The following MYH4 variants were observed in gnomAD, a reference collection of about 807,000 sequenced individuals.
MYH4 encodes the protein myosin-4.
A neutral mutation model predicts 229.9 loss-of-function variants in MYH4; 200 were observed. That is an observed-to-expected ratio of 0.87 (90% CI 0.78 to 0.98). MYH4 has a LOEUF of 0.98. Ranked by LOEUF, MYH4 falls within the 50% of genes least tolerant of loss-of-function variation. MYH4 has a pLI of 0.00. For synonymous variants in MYH4, 761 were observed against 834.6 expected (o/e 0.91, Z 1.52); for missense variants, 2,148 against 2,332.6 (o/e 0.92, Z 1.63).
Position 10,457,451 on chromosome 17 carries a change from G to A in MYH4, c.1866C>T (p.Phe622=). The change falls in exon 16 of 40, where the codon TTC becomes TTT. Residue 622 remains phenylalanine (F), a synonymous_variant. Coordinates refer to ENST00000255381, the MANE Select transcript of MYH4 (RefSeq NM_017533.2). Reference sequence around the variant, plus strand: ...CAGCAGTTTGTGCCCCAGAGAAGAGGAAAGCCAGAGTCTTCATTGCAGACT... The same window carrying A: ...CAGCAGTTTGTGCCCCAGAGAAGAGAAAAGCCAGAGTCTTCATTGCAGACT... The part of the protein sequence containing the change: ...YQKSAMKTLA[F]LFSGAQTAEA... 6 of 1,611,304 alleles carry A rather than the reference G, an allele frequency of 3.7e-6. No homozygotes were observed. Among genetic ancestry groups the A allele is most frequent in the Non-Finnish European group, 5.1e-6 (6 of 1,178,190 alleles).
At chr17:10,456,626 C>T (rs1004249524) in intron 16 of MYH4, 71 bp from the exon 17 acceptor site, 1 of 1,225,536 alleles carries the variant, frequency 8.2e-7, no homozygotes, top group Non-Finnish European at 1.2e-6. Context: ...AACATCAGGA[C>T]TGCCAAAATT....
At chr17:10,444,290 T>C (rs1390328807) in intron 39 of MYH4, among the ~76,000 whole-genome samples, 4 of 152,168 alleles carry the variant, frequency 2.6e-5, no homozygotes, top group Admixed American at 1.3e-4. Context: ...GAATTCATAC[T>C]CTCATTTGCA....
chr17:10,455,988 T>G, intron 17 of MYH4, 87 bp from the exon 18 acceptor site: 1 of 1,519,196 alleles, frequency 6.6e-7, no homozygotes. Context: ...CATTTCACAT[T>G]TTAATGAGCT....
At position 10,460,250 on chromosome 17, in the gene MYH4, C is replaced by G; in HGVS notation, c.1219G>C (p.Val407Leu). ...DLLKSLCYPRVKVGNEFVTKG... is the reference protein window; with the variant it reads ...DLLKSLCYPRLKVGNEFVTKG... ...GTTACGAACTCATTGCCGACCTTGA[C>G]TCTGGGATAGCAGAGAGATTTGAGC... The change falls in exon 13 of 40, where the codon GTC becomes CTC. Residue 407 changes from valine to leucine, a missense_variant. By Grantham distance (32) the Val-to-Leu change is conservative (BLOSUM62 1). Transcript: ENST00000255381. 1.2e-6 allele frequency: 2 copies of G among 1,614,100 alleles called. No homozygotes were observed. The highest frequency in any genetic ancestry group is 1.7e-6 in the Non-Finnish European group (2 of 1,179,962).
Position 10,461,029 on chromosome 17 carries a change from G to A in MYH4, c.1034C>T (p.Thr345Ile). The A allele has an allele frequency of 1.2e-6, 2 of 1,614,046 alleles. No homozygotes were observed. The highest frequency in any genetic ancestry group is 1.7e-6 in the Non-Finnish European group (2 of 1,179,982). The change falls in exon 12 of 40, where the codon ACT becomes ATT. Residue 345 changes from threonine (T) to isoleucine (I), a missense_variant. Physicochemically the swap from Thr to Ile is moderately conservative, Grantham distance 89. Coordinates refer to ENST00000255381, the MANE Select transcript of MYH4 (RefSeq NM_017533.2). ...GTAAATGGCCACCTTTTCATCAGCA[G>A]TGAAACCCAGGATGTCCACAGCACT... is the stretch of plus-strand genomic sequence containing the variant. ...TDSAVDILGFTADEKVAIYKL... is the reference protein window; with the variant it reads ...TDSAVDILGFIADEKVAIYKL...
At position 10,460,044 on chromosome 17, in the gene MYH4, T is replaced by C; in HGVS notation, c.1324A>G (p.Met442Val). 1 of 1,614,138 alleles carries C rather than the reference T, an allele frequency of 6.2e-7. No individual in the cohort carries two copies. The highest frequency in any genetic ancestry group is 1.7e-4 in the Middle Eastern group (1 of 6,060). ...AGCTGCTGGTTGATGCGGGTGACCA[T>C]CCACAGGAACATCTTCTCGTAGATG... Reference protein sequence around the residue: ...KAIYEKMFLWMVTRINQQLDT... With the variant: ...KAIYEKMFLWVVTRINQQLDT... The change falls in exon 14 of 40, where the codon ATG becomes GTG. Residue 442 changes from methionine to valine, a missense_variant. By Grantham distance (21) the Met-to-Val change is conservative (BLOSUM62 1). Coordinates refer to ENST00000255381, the MANE Select transcript of MYH4 (RefSeq NM_017533.2).
At position 10,443,387 on chromosome 17, in the gene MYH4, T is replaced by G; in HGVS notation, c.5808A>C (p.Ile1936=). 1 of 1,614,032 alleles carries G rather than the reference T, an allele frequency of 6.2e-7. No homozygotes were observed. The highest frequency in any genetic ancestry group is 8.5e-7 in the Non-Finnish European group (1 of 1,180,022). The change falls in exon 40 of 40, where the codon ATA becomes ATC. Residue 1936 remains isoleucine, a synonymous_variant. Coordinates refer to ENST00000255381, the MANE Select transcript of MYH4 (RefSeq NM_017533.2). The surrounding 1 kb of genome is among the most constrained non-coding windows in gnomAD (Gnocchi z 4.6). ...TCATTAGAATGAATTACTCTTCACTTATGACTTTTGTGTGAACCTCCCGAC... is the reference window on the plus strand; with the variant it reads ...TCATTAGAATGAATTACTCTTCACTGATGACTTTTGTGTGAACCTCCCGAC... ...VKSREVHTKV[I]SEE is the part of the protein sequence containing the mutation.
chr17:10,448,708 G>C lies in MYH4; in HGVS notation c.4441C>G (p.Leu1481Val). Residue 1481 changes from leucine (L) to valine (V), a missense_variant, in exon 32 of 40, where the codon CTC (leucine) becomes GTC (valine). Transcript: ENST00000255381. ...LEASQKESRS[L>V]STELFKVKNA... ...TTCACCTTGAACAGCTCAGTGCTGA[G>C]AGAACGCGACTCCTTCTGGGAGGCC... 1 of 1,614,152 alleles carries C rather than the reference G, an allele frequency of 6.2e-7. No individual in the cohort carries two copies. Among genetic ancestry groups the C allele is most frequent in the Non-Finnish European group, 8.5e-7 (1 of 1,180,024 alleles).
intron 16 of MYH4, among the ~76,000 whole-genome samples, 192 bp from the exon 17 acceptor site, chr17:10,456,747 G>T (rs556774660): frequency 4.6e-5 from 7 of 152,276 alleles, no homozygotes; most frequent in African/African-American, 1.7e-4. Flanking sequence ...TGACTTTATA[G>T]TCATTCATGA....
chr17:10,452,162 C>T lies in MYH4; in HGVS notation c.3517G>A (p.Ala1173Thr), dbSNP rs775420610. Residue 1173 changes from alanine (A) to threonine (T), a missense_variant, in exon 27 of 40, where the codon GCT (alanine) becomes ACT (threonine). By Grantham distance (58) the Ala-to-Thr change is moderately conservative. Transcript: ENST00000255381. ...AQIEMNKKRE[A>T]EFQKMRRDLE... ...TCCCTGCGCATTTTCTGGAACTCAG[C>T]CTCCCGCTTCTTGTTCATCTCAATC... 1 of 1,614,024 alleles carries T rather than the reference C, an allele frequency of 6.2e-7. No homozygotes were observed. Among genetic ancestry groups the T allele is most frequent in the Non-Finnish European group, 8.5e-7 (1 of 1,180,020 alleles).
chr17:10,459,026 A>G (rs975898424), intron 15 of MYH4, among the ~76,000 whole-genome samples: 2 of 152,182 alleles, frequency 1.3e-5, no homozygotes, highest in Non-Finnish European at 2.9e-5. Flanking sequence ...AAGTTTTTAG[A>G]GGGATAAATG....
At chr17:10,448,572 G>T in intron 32 of MYH4, 46 bp downstream of exon 32, 2 of 1,610,524 alleles carry the variant, frequency 1.2e-6, no homozygotes, top group Non-Finnish European at 1.7e-6. Flanking sequence ...AAATTGAAAA[G>T]ATGTCTCCCT....
At position 10,445,318 on chromosome 17, in the gene MYH4, A is replaced by G. The variant is rs2142208042; in HGVS notation, c.5214T>C (p.Ile1738=). The G allele has an allele frequency of 1.2e-6, 2 of 1,614,050 alleles. No homozygotes were observed. The highest frequency in any genetic ancestry group is 1.7e-6 in the Non-Finnish European group (2 of 1,179,986). The part of the protein sequence containing the change: ...INTKKKLETD[I]SQIQGEMEDI... ...CCTCCATCTCTCCCTGGATTTGGGA[A>G]ATGTCTGTTTCCAGCTTCTTCTTGG... The change falls in exon 36 of 40, where the codon ATT becomes ATC. Residue 1738 remains isoleucine (I), a synonymous_variant. Transcript: ENST00000255381.
rs2072596868 is a variant in MYH4 at position 10,453,149 on chromosome 17, T to TA, written c.3111+2dup. 3 of 1,614,162 alleles carry TA rather than the reference T, an allele frequency of 1.9e-6. No homozygotes were observed. The East Asian group carries it at 6.7e-5, about 36-fold the overall frequency. ...GGGGAAACATTTTCTTTTTCACACT[T>TA]ACATCGTCCACTTGCTGTTCTAGCT... On this transcript the variant is annotated splice_region_variant and intron_variant, in intron 24 of 39. Coordinates refer to ENST00000255381, the MANE Select transcript of MYH4 (RefSeq NM_017533.2).
In MYH4 at chr17:10,452,435, T is replaced by G. The variant is rs757192625; in HGVS notation, c.3329A>C (p.Lys1110Thr). ...DEQALAIQLQKKIKELQARIE... is the reference protein window; with the variant it reads ...DEQALAIQLQTKIKELQARIE... ...ACTTACCTGTAATTCTTTGATCTTC[T>G]TTTGTAGCTGTATTGCAAGGGCTTG... Residue 1110 changes from lysine to threonine, a missense_variant, in exon 26 of 40, where the codon AAG becomes ACG. Transcript: ENST00000255381. The G allele has an allele frequency of 6.8e-5, 109 of 1,614,066 alleles. No individual in the cohort carries two copies. The highest frequency in any genetic ancestry group is 8.0e-5 in the Non-Finnish European group (94 of 1,180,024).
In MYH4 at chr17:10,457,266, G is replaced by A. The variant is rs538387041; in HGVS notation, c.1897+154C>T. 1.6e-5 allele frequency: 7 copies of A among 430,468 alleles called. No individual in the cohort carries two copies. In the South Asian group the frequency reaches 5.8e-4, roughly 36 times the overall value. The allele number at this position is 430,468 out of a possible 1,614,324, so 26.7% of individuals were successfully genotyped here. A position where few individuals can be genotyped will look rare whatever the true frequency, so the allele number is the denominator to read the frequency against. On this transcript the variant is annotated intron_variant, in intron 16 of 39. Coordinates refer to ENST00000255381, the MANE Select transcript of MYH4 (RefSeq NM_017533.2). ...TAGCTCTGAAAGTCTGTGACTGTAAGACTGTATCACAGTTATTAAATACAC... is the reference window on the plus strand; with the variant it reads ...TAGCTCTGAAAGTCTGTGACTGTAAAACTGTATCACAGTTATTAAATACAC...
intron 39 of MYH4, 136 bp downstream of exon 39, chr17:10,444,468 T>C: frequency 1.5e-6 from 1 of 646,480 alleles, no homozygotes; most frequent in Non-Finnish European, 2.7e-6. Flanking sequence ...TTCATTTTTC[T>C]CATTCTAAAT....
At chr17:10,465,792 T>TTTTTTTG (rs2072758836) in intron 4 of MYH4, among the ~76,000 whole-genome samples, 194 bp from the exon 5 acceptor site, 1 of 144,526 alleles carries the variant, frequency 6.9e-6, no homozygotes, top group African/African-American at 2.6e-5. Context: ...TTTTTTTTTT[T>TTTTTTTG]GAGACGGAGT....
chr17:10,446,614 C>T (rs1049692199), intron 35 of MYH4, among the ~76,000 whole-genome samples: 1 of 152,152 alleles, frequency 6.6e-6, no homozygotes, highest in Non-Finnish European at 1.5e-5. Flanking sequence ...CTTTGTATCC[C>T]ATGAGGTTAG....
Sources: gnomAD v4.1 joint callset for allele counts (sites outside exome capture counted in the v4.1 genomes callset) on GRCh38, gnomAD v4.1.1 for gene constraint, Gnocchi (gnomAD v3.1) non-coding constraint, MANE v1.5 for transcripts, NCBI Gene and HGNC (gene_info 2026-07-23, HGNC 2026-07-21) for gene names.